HELZ: variants seen among roughly 807,000 people sequenced by gnomAD.
The protein encoded by HELZ is helicase with zinc finger.
HELZ carries 23 observed loss-of-function variants against 218.2 expected under a neutral mutation model. The ratio of observed to expected loss-of-function variants is 0.11; its 90% confidence interval spans 0.08 to 0.15. The LOEUF is 0.15. HELZ is among the 10% of genes least tolerant of loss of function. HELZ has a pLI of 1.00. For missense variants in HELZ, 1,813 were observed against 2,353.7 expected (o/e 0.77, Z 4.75); for synonymous variants, 814 against 829.4 (o/e 0.98, Z 0.32).
In HELZ at chr17:67,071,740, T is replaced by C. The variant is rs1044416425; in HGVS notation, c.*6512A>G. 6.6e-5 allele frequency: 10 copies of C among 152,306 alleles called. No homozygotes were observed. The highest frequency in any genetic ancestry group is 2.4e-4 in the African/African-American group (10 of 41,438). 9.4% of individuals were successfully genotyped at this position (152,306 alleles called of 1,614,324 possible). Reference sequence around the variant, plus strand: ...CAGGTTTATTATATTATAGGCAGTTTCTTTCTCAAAAATAACTTGCTCATA... The same window carrying C: ...CAGGTTTATTATATTATAGGCAGTTCCTTTCTCAAAAATAACTTGCTCATA... On this transcript the variant is annotated 3_prime_UTR_variant, in exon 33 of 33. Coordinates refer to ENST00000358691, the MANE Select transcript of HELZ (RefSeq NM_014877.4).
At chr17:67,225,016 G>T in intron 3 of HELZ, 1 of 683,352 alleles carries the variant, frequency 1.5e-6, no homozygotes, top group Non-Finnish European at 2.7e-6. Flanking sequence ...GGAGATAAGA[G>T]AAAGGGTCAA....
chr17:67,188,237 G>T lies in HELZ; in HGVS notation c.1162+82C>A. 7.9e-7 allele frequency: 1 copy of T among 1,272,438 alleles called. No homozygotes were observed. Among genetic ancestry groups the T allele is most frequent in the Non-Finnish European group, 1.1e-6 (1 of 910,926 alleles). The allele number at this position is 1,272,438 out of a possible 1,614,324, so 78.8% of individuals were successfully genotyped here. On this transcript the variant is annotated intron_variant, in intron 12 of 32. Coordinates refer to ENST00000358691, the MANE Select transcript of HELZ (RefSeq NM_014877.4). The surrounding 1 kb of genome is among the most constrained non-coding windows in gnomAD (Gnocchi z 4.1). ...TTATTACTATTCTCTTCCTATCCATGGAATATATTCAGGGGCCAATACATA... is the reference window on the plus strand; with the variant it reads ...TTATTACTATTCTCTTCCTATCCATTGAATATATTCAGGGGCCAATACATA...
In HELZ at chr17:67,188,501, T is replaced by C; in HGVS notation, c.980A>G (p.Glu327Gly). The C allele has an allele frequency of 6.2e-7, 1 of 1,614,028 alleles. No individual in the cohort carries two copies. Among genetic ancestry groups the C allele is most frequent in the Non-Finnish European group, 8.5e-7 (1 of 1,179,884 alleles). Residue 327 changes from glutamate (E) to glycine (G), a missense_variant, in exon 12 of 33, where the codon GAA (glutamate) becomes GGA (glycine). By Grantham distance (98) the Glu-to-Gly change is moderately conservative (BLOSUM62 -2). Around this residue, in one of 4 missense-constraint regions of HELZ, gnomAD observed 714 missense variants for 1,029.2 expected, o/e 0.69. Transcript: ENST00000358691. This position sits in a 1 kb window ranked among gnomAD's most constrained non-coding sequence, Gnocchi z 4.1. ...STTQVSQEVPENCQEWIGGKM... is the reference protein window; with the variant it reads ...STTQVSQEVPGNCQEWIGGKM... ...TCCTCCTATCCATTCTTGACAGTTT[T>C]CTGGGACTTCTTGTGATACCTGGGT...
rs146009970 is a variant in HELZ at position 67,198,030 on chromosome 17, C to T, written c.430-2560G>A. ...AAATTCTTCAAGCAAGGTCTATGTG[C>T]CACTGTCACAAACTAGCCCTTCAAA... On this transcript the variant is annotated intron_variant, in intron 7 of 32. Coordinates refer to ENST00000358691, the MANE Select transcript of HELZ (RefSeq NM_014877.4). 2.8e-3 allele frequency among the ~76,000 whole-genome samples: 420 copies of T among 152,182 alleles called. 8 individuals are homozygous for T. Among genetic ancestry groups the T allele is most frequent in the Non-Finnish European group, 7.6e-4 (52 of 68,002 alleles).
intron 21 of HELZ, among the ~76,000 whole-genome samples, chr17:67,144,186 C>T (rs1169237600): frequency 6.6e-6 from 1 of 152,124 alleles, no homozygotes; most frequent in Non-Finnish European, 1.5e-5. Flanking sequence ...TCCAAATAAA[C>T]CTATATTAGT....
chr17:67,122,793 T>C (rs924402763), intron 26 of HELZ, among the ~76,000 whole-genome samples, 177 bp downstream of exon 26: 2 of 152,198 alleles, frequency 1.3e-5, no homozygotes, highest in Non-Finnish European at 2.9e-5. Flanking sequence ...AATAACAAAT[T>C]GTAAGCAACA....
At chr17:67,214,619 T>C (rs75169105) in intron 5 of HELZ, among the ~76,000 whole-genome samples, 1 of 151,768 alleles carries the variant, frequency 6.6e-6, no homozygotes, top group Non-Finnish European at 1.5e-5. Context: ...AAAAAAAAAT[T>C]AACTCATGTT....
intron 31 of HELZ, among the ~76,000 whole-genome samples, chr17:67,092,716 A>G (rs1357119361): frequency 6.6e-6 from 1 of 152,250 alleles, no homozygotes; most frequent in Non-Finnish European, 1.5e-5. Context: ...CTGTAATCCC[A>G]GCACTTTGGG....
intron 3 of HELZ, among the ~76,000 whole-genome samples, chr17:67,223,161 G>A (rs1229421310): frequency 6.6e-6 from 1 of 151,902 alleles, no homozygotes; most frequent in Non-Finnish European, 1.5e-5. Context: ...TCGGGAGGCT[G>A]AGGAAGGAGA....
rs1482020930 is a variant in HELZ at position 67,073,448 on chromosome 17, T to C, written c.*4804A>G. The C allele has an allele frequency of 2.6e-5, 4 of 152,570 alleles. No individual in the cohort carries two copies. In the South Asian group the frequency reaches 6.2e-4, roughly 24 times the overall value. 9.5% of individuals were successfully genotyped at this position (152,570 alleles called of 1,614,324 possible). A position where few individuals can be genotyped will look rare whatever the true frequency, so the allele number is the denominator to read the frequency against. On this transcript the variant is annotated 3_prime_UTR_variant, in exon 33 of 33. Transcript: ENST00000358691. ...AAATAAAATCTCTCTGTTGAACAAA[T>C]TGCAAATAAAGTCTGGTCTAATACT...
Position 67,080,568 on chromosome 17 carries a change from C to A in HELZ, c.5495-1982G>T, listed in dbSNP as rs559805705. The stretch of plus-strand genomic sequence containing the variant: ...TTTACCCATCCAAAACCTTAAACTG[C>A]CTTCTCAATCCAATAAATATTTATT... On this transcript the variant is annotated intron_variant, in intron 32 of 32. Transcript: ENST00000358691. 2.0e-5 allele frequency among the ~76,000 whole-genome samples: 3 copies of A among 152,304 alleles called. No homozygotes were observed. The South Asian group carries it at 6.2e-4, about 32-fold the overall frequency.
chr17:67,224,541 T>C, intron 3 of HELZ: 1 of 394,344 alleles, frequency 2.5e-6, no homozygotes. Context: ...GAGCTGATAA[T>C]TGTCTTGTAA....
chr17:67,180,422 A>C (rs756226651), intron 12 of HELZ, among the ~76,000 whole-genome samples: 14 of 152,106 alleles, frequency 9.2e-5, no homozygotes, highest in Non-Finnish European at 1.8e-4. Flanking sequence ...GAAGTTTCCT[A>C]ATGTACACTA....
At chr17:67,084,634 G>A (rs1229394446) in intron 32 of HELZ, among the ~76,000 whole-genome samples, 2 of 146,160 alleles carry the variant, frequency 1.4e-5, no homozygotes, top group Non-Finnish European at 3.0e-5. Context: ...CTGCACTCCA[G>A]CCTGGGCGAC....
chr17:67,234,292 C>CAAAAAAAA (rs149931184), intron 3 of HELZ, among the ~76,000 whole-genome samples: 1 of 83,216 alleles, frequency 1.2e-5, no homozygotes, highest in Non-Finnish European at 2.6e-5. Context: ...CACTGTACTC[C>CAAAAAAAA]AAAAAAAAAA....
intron 32 of HELZ, 111 bp downstream of exon 32, chr17:67,086,718 T>C: frequency 9.9e-7 from 1 of 1,010,424 alleles, no homozygotes; most frequent in Admixed American, 2.1e-5. Context: ...TCATTAAATA[T>C]TGTTCAAAGA....
At chr17:67,204,512 A>C in intron 5 of HELZ, among the ~76,000 whole-genome samples, 1 of 152,066 alleles carries the variant, frequency 6.6e-6, no homozygotes, top group African/African-American at 2.4e-5. Context: ...GCTTATATTT[A>C]TCTTATTATT....
chr17:67,225,994 G>A (rs564340141), intron 3 of HELZ, among the ~76,000 whole-genome samples: 1 of 152,238 alleles, frequency 6.6e-6, no homozygotes, highest in African/African-American at 2.4e-5. Context: ...GGGCGTGGTG[G>A]CTCACACCTG....
At position 67,072,736 on chromosome 17, in the gene HELZ, C is replaced by A. The variant is rs2035923772; in HGVS notation, c.*5516G>T. 1 of 152,230 alleles carries A rather than the reference C, an allele frequency of 6.6e-6. No homozygotes were observed. The highest frequency in any genetic ancestry group is 2.1e-4 in the South Asian group (1 of 4,830). 9.4% of individuals were successfully genotyped at this position (152,230 alleles called of 1,614,324 possible). Reference sequence around the variant, plus strand: ...GACCTTTCTCCACAAATGTTCCAGTCATGGCACCAGATTTATAAAAATGTC... The same window carrying A: ...GACCTTTCTCCACAAATGTTCCAGTAATGGCACCAGATTTATAAAAATGTC... On this transcript the variant is annotated 3_prime_UTR_variant, in exon 33 of 33. Transcript: ENST00000358691.
Sources: allele counts gnomAD v4.1 joint callset (sites outside exome capture counted in the v4.1 genomes callset), GRCh38; gene constraint gnomAD v4.1.1; regional missense constraint gnomAD v4.1.1; non-coding constraint Gnocchi (gnomAD v3.1); transcripts MANE v1.5; gene names NCBI Gene and HGNC (gene_info 2026-07-23, HGNC 2026-07-21).